The following SATB2 variants were observed in gnomAD, a reference collection of about 807,000 sequenced individuals.
SATB2 encodes DNA-binding protein SATB2.
Under a neutral mutation model 73.4 loss-of-function variants are expected in SATB2, and 1 was observed. The observed-to-expected ratio is 0.01, with a 90% CI of 0.00 to 0.06. The LOEUF is 0.06. Among genes scored for constraint, SATB2 ranks in the 10% least tolerant of loss-of-function variants. The pLI is 1.00. For missense variants in SATB2, 459 were observed against 945.8 expected (o/e 0.49, Z 6.75); for synonymous variants, 397 against 367.0 (o/e 1.08, Z -0.93).
At chr2:199,309,838 A>G (rs931715635) in intron 9 of SATB2, among the ~76,000 whole-genome samples, 12 of 152,232 alleles carry the variant, frequency 7.9e-5, no homozygotes, top group African/African-American at 2.9e-4. Context: ...GAGTAAAAAA[A>G]TGTTCTTAAG....
chr2:199,450,220 CT>C (rs1692084402), intron 2 of SATB2, among the ~76,000 whole-genome samples: 1 of 152,204 alleles, frequency 6.6e-6, no homozygotes, highest in South Asian at 2.1e-4. Context: ...TATTATATCA[CT>C]GCAAATTGAG....
Position 199,331,238 on chromosome 2 carries a change from A to G in SATB2, c.1174-2328T>C, listed in dbSNP as rs146504598. Reference sequence around the variant, plus strand: ...CTTGTTTTTTTTTTTCCATTTTGAAACTGTATAGCTTCTTCTCCTACATTT... The same window carrying G: ...CTTGTTTTTTTTTTTCCATTTTGAAGCTGTATAGCTTCTTCTCCTACATTT... On this transcript the variant is annotated intron_variant, in intron 7 of 10. Coordinates refer to ENST00000417098, the MANE Select transcript of SATB2 (RefSeq NM_001172509.2). 2.4e-4 allele frequency among the ~76,000 whole-genome samples: 37 copies of G among 151,598 alleles called. No homozygotes were observed. In the East Asian group the frequency reaches 6.0e-3, roughly 25 times the overall value.
At chr2:199,341,774 T>C (rs189106441) in intron 7 of SATB2, among the ~76,000 whole-genome samples, 17 of 152,234 alleles carry the variant, frequency 1.1e-4, no homozygotes, top group Non-Finnish European at 1.9e-4. Flanking sequence ...GCATGACCAA[T>C]TAGGCTGGAA....
At chr2:199,380,215 G>A in intron 5 of SATB2, 149 bp downstream of exon 5, 1 of 1,058,060 alleles carries the variant, frequency 9.5e-7, no homozygotes, top group South Asian at 1.3e-5. Context: ...TCTACAACCA[G>A]AAGCAACATA....
intron 9 of SATB2, among the ~76,000 whole-genome samples, chr2:199,322,610 C>A (rs1049804421): frequency 6.6e-6 from 1 of 152,120 alleles, no homozygotes; most frequent in African/African-American, 2.4e-5. Flanking sequence ...ACATTTCAAT[C>A]CCTTTCCAAG....
chr2:199,435,262 T>C (rs890469759), intron 2 of SATB2, among the ~76,000 whole-genome samples: 8 of 152,206 alleles, frequency 5.3e-5, no homozygotes, highest in Non-Finnish European at 8.8e-5. Context: ...ATTGTGATCA[T>C]TACTGGTATA....
At chr2:199,351,726 G>C (rs67288417) in intron 6 of SATB2, among the ~76,000 whole-genome samples, 24,422 of 152,044 alleles carry the variant, frequency 0.16, 2,408 homozygotes, top group East Asian at 0.47. Flanking sequence ...TTATTTTATA[G>C]ACAGAAATAT....
intron 10 of SATB2, among the ~76,000 whole-genome samples, chr2:199,283,813 C>T (rs551340874): frequency 2.0e-5 from 3 of 152,100 alleles, no homozygotes; most frequent in East Asian, 2.0e-4. Flanking sequence ...CTTGAGTATA[C>T]GTCTTTTTAA....
intron 6 of SATB2, among the ~76,000 whole-genome samples, chr2:199,352,528 T>C (rs533628330): frequency 6.6e-6 from 1 of 152,300 alleles, no homozygotes; most frequent in South Asian, 2.1e-4. Flanking sequence ...ATTCTTGTAG[T>C]TAAGAAGAGC....
upstream of SATB2, chr2:199,458,695 C>T (rs1446592815): frequency 2.3e-6 from 1 of 443,428 alleles, no homozygotes; most frequent in South Asian, 1.6e-5. Flanking sequence ...CGGCTCCCAG[C>T]TCTGTTAACT....
intron 5 of SATB2, among the ~76,000 whole-genome samples, chr2:199,371,069 T>C (rs1455282528): frequency 1.3e-5 from 2 of 152,116 alleles, no homozygotes; most frequent in Non-Finnish European, 2.9e-5. Context: ...GGTCTTTATA[T>C]AGAACTAATA....
At chr2:199,467,554 CG>C, upstream of SATB2, 1 of 152,438 alleles carries the variant, frequency 6.6e-6, no homozygotes, top group Non-Finnish European at 1.5e-5. Context: ...GGGCTGAGGG[CG>C]GGGGAGAGAG....
In SATB2 at chr2:199,456,050, C is replaced by T. The variant is rs1416369378; in HGVS notation, c.-13G>A. On this transcript the variant is annotated 5_prime_UTR_variant, in exon 2 of 11. Transcript: ENST00000417098. ...TCCGCCGCTCCATGCTGCTCCGACTCGGAGACAAAGTTCCCACCGGCAGGT... is the reference window on the plus strand; with the variant it reads ...TCCGCCGCTCCATGCTGCTCCGACTTGGAGACAAAGTTCCCACCGGCAGGT... 2.3e-6 allele frequency: 3 copies of T among 1,320,548 alleles called. No homozygotes were observed. Among genetic ancestry groups the T allele is most frequent in the African/African-American group, 1.7e-5 (1 of 59,302 alleles). 81.8% of individuals were successfully genotyped at this position (1,320,548 alleles called of 1,614,324 possible).
Position 199,308,798 on chromosome 2 carries a change from T to G in SATB2, c.1702A>C (p.Met568Leu), listed in dbSNP as rs761112090. The G allele has an allele frequency of 2.5e-6, 4 of 1,614,120 alleles. No individual in the cohort carries two copies. Among genetic ancestry groups the G allele is most frequent in the Non-Finnish European group, 3.4e-6 (4 of 1,180,010 alleles). Reference protein sequence around the residue: ...EESRHHHSERMQHVVQLPPEP... With the variant: ...EESRHHHSERLQHVVQLPPEP... ...GGGGGAAGCTGGACCACGTGTTGCA[T>G]GCGTTCGCTGTGGTGATGCCTTGAC... The change falls in exon 10 of 11, where the codon ATG (methionine) becomes CTG (leucine). Residue 568 changes from methionine to leucine, a missense_variant. Met to Leu is a conservative substitution (Grantham distance 15). This residue lies in a region of SATB2 where 74 missense variants were observed against 136.1 expected (regional missense o/e 0.54). Coordinates refer to ENST00000417098, the MANE Select transcript of SATB2 (RefSeq NM_001172509.2). The surrounding 1 kb of genome is among the most constrained non-coding windows in gnomAD (Gnocchi z 4.6).
intron 5 of SATB2, among the ~76,000 whole-genome samples, chr2:199,372,500 T>C (rs1689479234): frequency 1.3e-5 from 2 of 152,178 alleles, no homozygotes; most frequent in African/African-American, 2.4e-5. Flanking sequence ...AGAGAATAGA[T>C]GTCACATATG....
chr2:199,442,099 C>G (rs1691832703), intron 2 of SATB2, among the ~76,000 whole-genome samples: 1 of 152,164 alleles, frequency 6.6e-6, no homozygotes, highest in South Asian at 2.1e-4. Context: ...CTGAGCCTGA[C>G]CTATATAGTA....
intron 2 of SATB2, among the ~76,000 whole-genome samples, chr2:199,440,557 G>C (rs1423600454): frequency 6.6e-6 from 1 of 152,160 alleles, no homozygotes; most frequent in East Asian, 1.9e-4. Flanking sequence ...GGAGAGAGCA[G>C]AGCAATCATT....
intron 9 of SATB2, among the ~76,000 whole-genome samples, chr2:199,310,410 T>A (rs1157168834): frequency 6.6e-6 from 1 of 151,564 alleles, no homozygotes; most frequent in Non-Finnish European, 1.5e-5. Flanking sequence ...TTCATAGATT[T>A]TTTTTCAACT....
Position 199,270,903 on chromosome 2 carries a change from C to G in SATB2, c.*1308G>C, listed in dbSNP as rs1341153593. The G allele has an allele frequency of 6.6e-6, 1 of 152,202 alleles. No individual in the cohort carries two copies. The highest frequency in any genetic ancestry group is 2.4e-5 in the African/African-American group (1 of 41,424). 9.4% of individuals were successfully genotyped at this position (152,202 alleles called of 1,614,324 possible). ...AGGGCTGTCATCCCAGGAAAAGGGACAGGAGAGATCAGGGACTGAAAATGT... is the reference window on the plus strand; with the variant it reads ...AGGGCTGTCATCCCAGGAAAAGGGAGAGGAGAGATCAGGGACTGAAAATGT... On this transcript the variant is annotated 3_prime_UTR_variant, in exon 11 of 11. Coordinates refer to ENST00000417098, the MANE Select transcript of SATB2 (RefSeq NM_001172509.2).
Sources: allele counts gnomAD v4.1 joint callset (sites outside exome capture counted in the v4.1 genomes callset), GRCh38; gene constraint gnomAD v4.1.1; regional missense constraint gnomAD v4.1.1; non-coding constraint Gnocchi (gnomAD v3.1); transcripts MANE v1.5; gene names NCBI Gene and HGNC (gene_info 2026-07-23, HGNC 2026-07-21).